Variants in GLRB observed in about 807,000 individuals in gnomAD.
GLRB encodes glycine receptor subunit beta.
Under a neutral mutation model 54.2 loss-of-function variants are expected in GLRB, and 33 were observed. The ratio of observed to expected loss-of-function variants is 0.61; its 90% confidence interval spans 0.46 to 0.81. The LOEUF (loss-of-function observed/expected upper bound fraction) is 0.81. Among genes scored for constraint, GLRB ranks in the 40% least tolerant of loss-of-function variants. The probability of loss-of-function intolerance (pLI) is 0.00; values close to 1 mark genes in which losing one functional copy is unlikely to be tolerated. For missense variants in GLRB, 572 were observed against 584.6 expected (o/e 0.98, Z 0.22); for synonymous variants, 209 against 208.2 (o/e 1.00, Z -0.03).
intron 8 of GLRB, among the ~76,000 whole-genome samples, chr4:157,145,421 A>C (rs901534477): frequency 1.3e-5 from 2 of 152,232 alleles, no homozygotes; most frequent in African/African-American, 2.4e-5. Context: ...TCCAGGGAGT[A>C]TTAAGAAAAT....
At chr4:157,105,019 T>G (rs1735169154) in intron 2 of GLRB, among the ~76,000 whole-genome samples, 1 of 151,732 alleles carries the variant, frequency 6.6e-6, no homozygotes, top group South Asian at 2.1e-4. Flanking sequence ...TTTAAAAATT[T>G]TTTAAATTAC....
At chr4:157,136,402 G>A (rs1051457505) in intron 4 of GLRB, 67 bp from the exon 5 acceptor site, 2 of 895,594 alleles carry the variant, frequency 2.2e-6, no homozygotes, top group East Asian at 5.0e-5. Context: ...TTTTTGTTTT[G>A]GGGCCGAATA....
At position 157,120,422 on chromosome 4, in the gene GLRB, A is replaced by T. The variant is rs566462162; in HGVS notation, c.123-134A>T. 86 of 275,016 alleles carry T rather than the reference A, an allele frequency of 3.1e-4. 1 individual carries two copies. Among genetic ancestry groups the T allele is most frequent in the Middle Eastern group, 9.6e-4 (1 of 1,042 alleles). 17.0% of individuals were successfully genotyped at this position (275,016 alleles called of 1,614,324 possible). On this transcript the variant is annotated intron_variant, in intron 2 of 9. Coordinates refer to ENST00000264428, the MANE Select transcript of GLRB (RefSeq NM_000824.5). ...AATAAAATAATAAAATAAAATAAAT[A>T]AAAAAAAGAAGAAAAAGCCATACTA...
intron 7 of GLRB, among the ~76,000 whole-genome samples, chr4:157,141,443 G>T (rs1194977448): frequency 6.6e-6 from 1 of 151,732 alleles, no homozygotes; most frequent in Non-Finnish European, 1.5e-5. Context: ...TATATAAAAA[G>T]ATAGCCAATA....
chr4:157,155,460 G>A (rs1020215715), intron 9 of GLRB, among the ~76,000 whole-genome samples: 1 of 152,066 alleles, frequency 6.6e-6, no homozygotes, highest in African/African-American at 2.4e-5. Flanking sequence ...TTTTTGGATA[G>A]GTCTGCAGGT....
chr4:157,133,259 C>T (rs1041915205), intron 4 of GLRB, among the ~76,000 whole-genome samples: 33 of 151,766 alleles, frequency 2.2e-4, no homozygotes, highest in Non-Finnish European at 8.8e-5. Flanking sequence ...AGTAGAGTAT[C>T]TCCTTTAATT....
At chr4:157,101,945 C>A (rs1323409462) in intron 2 of GLRB, among the ~76,000 whole-genome samples, 1 of 151,942 alleles carries the variant, frequency 6.6e-6, no homozygotes, top group African/African-American at 2.4e-5. Context: ...CACTTTTTAT[C>A]GTGTCATGTG....
chr4:157,138,921 T>C lies in GLRB; in HGVS notation c.723T>C (p.Gly241=). ...FDIKKEDIEY[G]NCTKYYKGTG... is the part of the protein sequence containing the mutation. The stretch of plus-strand genomic sequence containing the variant: ...TCAAAAAGGAAGATATTGAATATGG[T>C]AACTGTACAAAATACTATAAAGGCA... Residue 241 remains glycine, a synonymous_variant, in exon 7 of 10, where the codon GGT becomes GGC. Transcript: ENST00000264428. 6.8e-7 allele frequency: 1 copy of C among 1,471,480 alleles called. No homozygotes were observed. Among genetic ancestry groups the C allele is most frequent in the Non-Finnish European group, 9.5e-7 (1 of 1,051,456 alleles). The allele number at this position is 1,471,480 out of a possible 1,614,324, so 91.2% of individuals were successfully genotyped here. A position where few individuals can be genotyped will look rare whatever the true frequency, so the allele number is the denominator to read the frequency against.
intron 9 of GLRB, among the ~76,000 whole-genome samples, chr4:157,167,185 G>C (rs545170097): frequency 2.4e-4 from 37 of 152,178 alleles, no homozygotes; most frequent in Middle Eastern, 3.4e-3. Context: ...CCTTTATAAT[G>C]GGGAATTCTA....
chr4:157,161,144 T>G (rs184500743), intron 9 of GLRB, among the ~76,000 whole-genome samples: 35 of 152,264 alleles, frequency 2.3e-4, no homozygotes, highest in African/African-American at 5.1e-4. Context: ...TCAGAGACTA[T>G]GATTGCAACT....
intron 2 of GLRB, among the ~76,000 whole-genome samples, chr4:157,097,667 T>C (rs1734862193): frequency 1.3e-5 from 2 of 152,298 alleles, no homozygotes; most frequent in South Asian, 4.1e-4. Flanking sequence ...GTTAATGACT[T>C]TTTACATACA....
chr4:157,169,875 A>C (rs769212286), intron 9 of GLRB, among the ~76,000 whole-genome samples: 5 of 152,132 alleles, frequency 3.3e-5, no homozygotes, highest in African/African-American at 4.8e-5. Context: ...AATGCCTATC[A>C]CTAGTAAACG....
intron 9 of GLRB, among the ~76,000 whole-genome samples, chr4:157,161,369 C>A (rs1354200246): frequency 1.3e-5 from 2 of 152,284 alleles, no homozygotes; most frequent in South Asian, 4.1e-4. Context: ...TTGATCCTGT[C>A]ATTATGAAGT....
chr4:157,146,734 T>G (rs1212250851), intron 8 of GLRB, among the ~76,000 whole-genome samples: 5 of 151,622 alleles, frequency 3.3e-5, no homozygotes. Flanking sequence ...GACTGAGAAA[T>G]TGCTTGAACC....
chr4:157,086,183 TA>T (rs1472621560), intron 2 of GLRB, among the ~76,000 whole-genome samples: 1 of 152,236 alleles, frequency 6.6e-6, no homozygotes, highest in Non-Finnish European at 1.5e-5. Flanking sequence ...CTTCCCTTGC[TA>T]TTATGTATGC....
chr4:157,146,199 T>C (rs984935738), intron 8 of GLRB, among the ~76,000 whole-genome samples: 41 of 151,922 alleles, frequency 2.7e-4, no homozygotes, highest in African/African-American at 9.4e-4. Context: ...GTATTTTTAG[T>C]AGAGACAGGG....
intron 2 of GLRB, among the ~76,000 whole-genome samples, chr4:157,090,339 A>G (rs2126449060): frequency 6.6e-6 from 1 of 152,348 alleles, no homozygotes; most frequent in East Asian, 1.9e-4. Flanking sequence ...AAAAAAATTA[A>G]TGAAAAGTGG....
At chr4:157,092,684 A>G (rs749635675) in intron 2 of GLRB, among the ~76,000 whole-genome samples, 2 of 152,188 alleles carry the variant, frequency 1.3e-5, no homozygotes, top group Admixed American at 6.5e-5. Context: ...TGCTTGTCAC[A>G]TGGGAGGCCA....
intron 3 of GLRB, among the ~76,000 whole-genome samples, chr4:157,121,040 A>T (rs1271247257): frequency 1.3e-5 from 2 of 151,808 alleles, no homozygotes; most frequent in South Asian, 4.1e-4. Context: ...TTGCAGAATG[A>T]TGATTTTCTC....
Sources: allele counts gnomAD v4.1 joint callset (sites outside exome capture counted in the v4.1 genomes callset), GRCh38; gene constraint gnomAD v4.1.1; transcripts MANE v1.5; gene names NCBI Gene and HGNC (gene_info 2026-07-23, HGNC 2026-07-21).